HSDL1: variants seen among roughly 807,000 people sequenced by gnomAD.
HSDL1 encodes hydroxysteroid dehydrogenase like 1.
In HSDL1, 29 loss-of-function variants were observed where a neutral mutation model predicts 31.5. That is an observed-to-expected ratio of 0.92 (90% CI 0.69 to 1.26). The LOEUF (loss-of-function observed/expected upper bound fraction) is 1.26, where lower values mean the gene tolerates loss of function less well. HSDL1 is among the 50% of genes most tolerant of loss of function. The pLI, the probability that HSDL1 is intolerant of heterozygous loss-of-function variation, is 0.00. For synonymous variants in HSDL1, 222 were observed against 155.2 expected (o/e 1.43, Z -3.20); for missense variants, 503 against 416.6 (o/e 1.21, Z -1.81).
chr16:84,138,965 G>A (rs1242943196), intron 1 of HSDL1, among the ~76,000 whole-genome samples: 1 of 152,220 alleles, frequency 6.6e-6, no homozygotes, highest in African/African-American at 2.4e-5. Context: ...AACTCAAATA[G>A]AAAAACCTTC....
In HSDL1 at chr16:84,131,181, C is replaced by G; in HGVS notation, c.141G>C (p.Leu47=). Residue 47 remains leucine, a synonymous_variant, in exon 3 of 6, where the codon CTG becomes CTC. Coordinates refer to ENST00000219439, the MANE Select transcript of HSDL1 (RefSeq NM_031463.5). ...GGCGGGGGATAAAATGCAGCCTGATCAGGCTGTAAAAGTCACAGATGACAG... is the reference window on the plus strand; with the variant it reads ...GGCGGGGGATAAAATGCAGCCTGATGAGGCTGTAAAAGTCACAGATGACAG... ...SITVICDFYS[L]IRLHFIPRLG... is the part of the protein sequence containing the mutation. The G allele has an allele frequency of 1.2e-6, 2 of 1,614,196 alleles. No individual in the cohort carries two copies. The highest frequency in any genetic ancestry group is 1.7e-6 in the Non-Finnish European group (2 of 1,180,046).
intron 1 of HSDL1, chr16:84,139,340 A>C (rs1292272786): frequency 1.3e-5 from 2 of 152,214 alleles, no homozygotes; most frequent in African/African-American, 2.4e-5. Flanking sequence ...AAAGAGAGAG[A>C]GCCATGTGAC....
intron 2 of HSDL1, among the ~76,000 whole-genome samples, chr16:84,132,834 A>G (rs533375621): frequency 3.3e-5 from 5 of 152,234 alleles, no homozygotes; most frequent in Non-Finnish European, 5.9e-5. Context: ...ACTGCAATAG[A>G]CTACACTTAT....
At chr16:84,142,682 G>A (rs148059951) in intron 1 of HSDL1, among the ~76,000 whole-genome samples, 2 of 151,686 alleles carry the variant, frequency 1.3e-5, no homozygotes, top group African/African-American at 2.4e-5. Context: ...CTGACCTTGT[G>A]ATCCGCCCAC....
At chr16:84,138,804 G>A (rs1293830927) in intron 1 of HSDL1, among the ~76,000 whole-genome samples, 1 of 152,122 alleles carries the variant, frequency 6.6e-6, no homozygotes, top group East Asian at 1.9e-4. Flanking sequence ...AAAACCTACA[G>A]GAAACGTTAC....
At position 84,131,231 on chromosome 16, in the gene HSDL1, A is replaced by T. The variant is rs542269332; in HGVS notation, c.91T>A (p.Trp31Arg). 6.2e-7 allele frequency: 1 copy of T among 1,614,206 alleles called. No homozygotes were observed. Among genetic ancestry groups the T allele is most frequent in the South Asian group, 1.1e-5 (1 of 91,082 alleles). The part of the protein sequence containing the change: ...YMEALALVGA[W>R]YTARKSITVI... ...GTGATGCTTTTTCTGGCCGTATACCAGGCTCCAACCAAAGCTAGAGCTTCC... is the reference window on the plus strand; with the variant it reads ...GTGATGCTTTTTCTGGCCGTATACCTGGCTCCAACCAAAGCTAGAGCTTCC... The change falls in exon 3 of 6, where the codon TGG becomes AGG. Residue 31 changes from tryptophan to arginine, a missense_variant. Trp to Arg is a moderately radical substitution (Grantham distance 101). Transcript: ENST00000219439.
chr16:84,144,525 C>T (rs559959713), intron 1 of HSDL1: 2 of 152,324 alleles, frequency 1.3e-5, no homozygotes, highest in Admixed American at 1.3e-4. Flanking sequence ...TCAACACGAG[C>T]AAACTCGGAA....
chr16:84,134,388 C>T (rs1237946378), intron 2 of HSDL1, among the ~76,000 whole-genome samples: 3 of 152,026 alleles, frequency 2.0e-5, no homozygotes, highest in African/African-American at 4.8e-5. Flanking sequence ...TTTGGGAGGC[C>T]GAGGTGGGCA....
At chr16:84,131,075 G>C in intron 3 of HSDL1, 27 bp downstream of exon 3, 1 of 1,550,690 alleles carries the variant, frequency 6.4e-7, no homozygotes, top group Non-Finnish European at 8.9e-7. Context: ...TCACAGAAAA[G>C]ATTATTTTGA....
chr16:84,123,933 T>C lies in HSDL1; in HGVS notation c.*697A>G, dbSNP rs574066949. 2.6e-5 allele frequency: 4 copies of C among 152,314 alleles called. No homozygotes were observed. The East Asian group carries it at 7.7e-4, about 29-fold the overall frequency. The allele number at this position is 152,314 out of a possible 1,614,324, so 9.4% of individuals were successfully genotyped here. A position where few individuals can be genotyped will look rare whatever the true frequency, so the allele number is the denominator to read the frequency against. The stretch of plus-strand genomic sequence containing the variant: ...GGCAAACCAACAGCATGAAATTTGG[T>C]AGGCTTATTTAGGATGAAAAGGAAT... On this transcript the variant is annotated 3_prime_UTR_variant, in exon 6 of 6. Coordinates refer to ENST00000219439, the MANE Select transcript of HSDL1 (RefSeq NM_031463.5).
chr16:84,137,504 G>T (rs528066753), intron 1 of HSDL1, among the ~76,000 whole-genome samples: 1 of 152,166 alleles, frequency 6.6e-6, no homozygotes, highest in Non-Finnish European at 1.5e-5. Flanking sequence ...GGAAGGTAAC[G>T]CAGCAGGGGA....
intron 1 of HSDL1, among the ~76,000 whole-genome samples, chr16:84,136,888 CAA>C (rs1313425040): frequency 6.6e-6 from 1 of 152,128 alleles, no homozygotes; most frequent in Non-Finnish European, 1.5e-5. Flanking sequence ...AGAGGCAGCT[CAA>C]GACAAAGAAA....
intron 1 of HSDL1, chr16:84,144,385 C>T (rs1007681486): frequency 1.3e-5 from 2 of 152,238 alleles, no homozygotes; most frequent in South Asian, 2.1e-4. Context: ...CTGTACACAT[C>T]ATGTTGGGAT....
At chr16:84,136,910 C>T (rs2086718297) in intron 1 of HSDL1, among the ~76,000 whole-genome samples, 1 of 152,166 alleles carries the variant, frequency 6.6e-6, no homozygotes, top group East Asian at 1.9e-4. Flanking sequence ...ATCTGACTCA[C>T]ATCCACAAAA....
intron 1 of HSDL1, among the ~76,000 whole-genome samples, chr16:84,137,659 G>C (rs1378288299): frequency 6.6e-6 from 1 of 152,200 alleles, no homozygotes; most frequent in East Asian, 1.9e-4. Context: ...AAAGATGTTA[G>C]AGAACTGGAA....
chr16:84,140,170 C>T (rs985980804), intron 1 of HSDL1, among the ~76,000 whole-genome samples: 1 of 152,200 alleles, frequency 6.6e-6, no homozygotes, highest in Non-Finnish European at 1.5e-5. Flanking sequence ...TATTTAAACA[C>T]TCAACTTGCT....
intron 1 of HSDL1, among the ~76,000 whole-genome samples, chr16:84,143,393 G>A (rs2086788460): frequency 6.6e-6 from 1 of 152,152 alleles, no homozygotes; most frequent in Non-Finnish European, 1.5e-5. Flanking sequence ...GAAATGTCCA[G>A]CATAAGCAAA....
chr16:84,137,485 G>C (rs1036018624), intron 1 of HSDL1, among the ~76,000 whole-genome samples: 1 of 152,198 alleles, frequency 6.6e-6, no homozygotes, highest in African/African-American at 2.4e-5. Context: ...AGCTGGTGGG[G>C]CTTGTTTAGG....
chr16:84,137,345 C>A (rs2086722290), intron 1 of HSDL1, among the ~76,000 whole-genome samples: 1 of 152,242 alleles, frequency 6.6e-6, no homozygotes, highest in African/African-American at 2.4e-5. Flanking sequence ...ACAGCACAGG[C>A]TGTGCTGTCC....
Sources: allele counts gnomAD v4.1 joint callset (sites outside exome capture counted in the v4.1 genomes callset), GRCh38; gene constraint gnomAD v4.1.1; transcripts MANE v1.5; gene names NCBI Gene and HGNC (gene_info 2026-07-23, HGNC 2026-07-21).